Variants in ECH1 observed in about 807,000 individuals in gnomAD.
ECH1 encodes delta(3,5)-Delta(2,4)-dienoyl-CoA isomerase, mitochondrial.
In ECH1, 30 loss-of-function variants were observed where a neutral mutation model predicts 37.0. The ratio of observed to expected loss-of-function variants is 0.81; its 90% confidence interval spans 0.61 to 1.10. ECH1 has a LOEUF of 1.10. ECH1 is among the 50% of genes least tolerant of loss of function. ECH1 has a pLI of 0.00. For synonymous variants in ECH1, 178 were observed against 176.0 expected (o/e 1.01, Z -0.09); for missense variants, 456 against 441.6 (o/e 1.03, Z -0.29).
intron 3 of ECH1, chr19:38,820,587 G>A (rs892387414): frequency 6.6e-6 from 1 of 152,134 alleles, no homozygotes; most frequent in Non-Finnish European, 1.5e-5. Flanking sequence ...TATGTTTAAC[G>A]TGCTTAGAAA....
intron 9 of ECH1, 36 bp downstream of exon 9, chr19:38,815,821 G>A: frequency 6.2e-7 from 1 of 1,613,692 alleles, no homozygotes. Context: ...CCTGGGGTTA[G>A]AGGAGGGCTG....
intron 6 of ECH1, 96 bp from the exon 7 acceptor site, chr19:38,816,619 C>A: frequency 7.1e-7 from 1 of 1,404,208 alleles, no homozygotes. Flanking sequence ...TGGAGAGTCC[C>A]GCCCCACCTT....
intron 3 of ECH1, among the ~76,000 whole-genome samples, chr19:38,825,838 A>G (rs1261986098): frequency 6.6e-6 from 1 of 152,224 alleles, no homozygotes; most frequent in Non-Finnish European, 1.5e-5. Context: ...GCACTGCCCC[A>G]GCGGACGAAG....
At chr19:38,825,225 T>C (rs963671368) in intron 3 of ECH1, among the ~76,000 whole-genome samples, 22 of 152,136 alleles carry the variant, frequency 1.4e-4, no homozygotes, top group Non-Finnish European at 2.8e-4. Flanking sequence ...CAGCAAGCCA[T>C]CCCCAGTATG....
rs1971597858 is a variant in ECH1, at chr19:38,817,514, C to T, written c.411G>A (p.Arg137=). 2 of 1,613,976 alleles carry T rather than the reference C, an allele frequency of 1.2e-6. No individual in the cohort carries two copies. Among genetic ancestry groups the T allele is most frequent in the Middle Eastern group, 1.7e-4 (1 of 6,060 alleles). ...TGATGTCACGGAGGTACCAGCTGAT[C>T]CGGGCCACATCATCTCCTTTGGGCT... The part of the protein sequence containing the change: ...ILQPKGDDVA[R]ISWYLRDIIT... The change falls in exon 4 of 10, where the codon CGG becomes CGA. Residue 137 remains arginine (R), a synonymous_variant. Transcript: ENST00000221418.
At position 38,815,461 on chromosome 19, in the gene ECH1, GC is replaced by G; in HGVS notation, c.*151del. The G allele has an allele frequency of 1.4e-6, 1 of 698,360 alleles. No individual in the cohort carries two copies. The highest frequency in any genetic ancestry group is 2.4e-6 in the Non-Finnish European group (1 of 412,250). The allele number at this position is 698,360 out of a possible 1,614,324, so 43.3% of individuals were successfully genotyped here. The stretch of plus-strand genomic sequence containing the variant: ...TTATTGTTTGTGGGGTGAAGATAAG[GC>G]CTTGGGCTTGAGAAACTCATTGTCA... On this transcript the variant is annotated 3_prime_UTR_variant, in exon 10 of 10. Coordinates refer to ENST00000221418, the MANE Select transcript of ECH1 (RefSeq NM_001398.3).
At chr19:38,823,967 C>G (rs1217096936) in intron 3 of ECH1, among the ~76,000 whole-genome samples, 1 of 152,138 alleles carries the variant, frequency 6.6e-6, no homozygotes, top group Admixed American at 6.5e-5. Flanking sequence ...TTGCCCAAAG[C>G]CCTGTCATAG....
At chr19:38,822,824 T>C (rs889100166) in intron 3 of ECH1, among the ~76,000 whole-genome samples, 1 of 152,226 alleles carries the variant, frequency 6.6e-6, no homozygotes, top group Admixed American at 6.5e-5. Flanking sequence ...AAAAGCAGGC[T>C]GTCCGAGCCA....
intron 3 of ECH1, among the ~76,000 whole-genome samples, chr19:38,821,267 C>T (rs894967048): frequency 2.6e-5 from 4 of 152,090 alleles, no homozygotes; most frequent in Non-Finnish European, 5.9e-5. Context: ...GAGATTGCTC[C>T]ACTGCATTCC....
chr19:38,816,518 C>CA lies in ECH1; in HGVS notation c.593dup (p.Asp199GlyfsTer37), dbSNP rs1265903578. On this transcript the variant is annotated frameshift_variant, in exon 7 of 10. Coordinates refer to ENST00000221418, the MANE Select transcript of ECH1 (RefSeq NM_001398.3). LOFTEE classifies it high-confidence loss of function. ...CTACATCGGCAGCCAAACCCACGTC[C>CA]ACCTCCTGGGGGAGGAATCGGGTCA... is the stretch of plus-strand genomic sequence containing the variant. 6.2e-7 allele frequency: 1 copy of CA among 1,614,054 alleles called. No homozygotes were observed. Among genetic ancestry groups the CA allele is most frequent in the Admixed American group, 1.7e-5 (1 of 59,998 alleles).
intron 6 of ECH1, 53 bp from the exon 7 acceptor site, chr19:38,816,576 G>T (rs1568356150): frequency 1.3e-6 from 2 of 1,594,410 alleles, no homozygotes; most frequent in African/African-American, 1.3e-5. Context: ...TGTGCCCCTC[G>T]CAATGTCAAC....
intron 3 of ECH1, among the ~76,000 whole-genome samples, chr19:38,818,702 A>G (rs1343504204): frequency 5.3e-5 from 8 of 151,976 alleles, no homozygotes; most frequent in Non-Finnish European, 5.9e-5. Context: ...TGGCCAGGCT[A>G]GTCTCAAACT....
chr19:38,816,650 A>G (rs1489932539), intron 6 of ECH1, 127 bp from the exon 7 acceptor site: 2 of 1,172,146 alleles, frequency 1.7e-6, no homozygotes, highest in African/African-American at 3.0e-5. Context: ...ACTTCCTCCA[A>G]AGTCCCATTC....
rs746522011 is a variant in ECH1 at position 38,815,969 on chromosome 19, G to A, written c.770C>T (p.Ala257Val). 1.2e-6 allele frequency: 2 copies of A among 1,613,864 alleles called. No homozygotes were observed. The highest frequency in any genetic ancestry group is 3.3e-5 in the Admixed American group (2 of 59,998). ...FPDKEVMLDAALALAAEISSK... is the reference protein window; with the variant it reads ...FPDKEVMLDAVLALAAEISSK... ...GGAAATCTCGGCCGCCAGCGCTAAG[G>A]CAGCATCCAGCATGACCTCTTTGTC... Residue 257 changes from alanine (A) to valine (V), a missense_variant, in exon 9 of 10, where the codon GCC becomes GTC. Transcript: ENST00000221418.
At chr19:38,827,445 G>C (rs965715870) in intron 3 of ECH1, among the ~76,000 whole-genome samples, 1 of 152,160 alleles carries the variant, frequency 6.6e-6, no homozygotes, top group Admixed American at 6.5e-5. Context: ...CCACTTAGGA[G>C]AGTGGCAGAA....
At chr19:38,824,890 G>C (rs1373557992) in intron 3 of ECH1, among the ~76,000 whole-genome samples, 1 of 152,140 alleles carries the variant, frequency 6.6e-6, no homozygotes, top group Non-Finnish European at 1.5e-5. Context: ...CTGGCTATTG[G>C]TTATGTCCCC....
chr19:38,831,511 T>C lies in ECH1; in HGVS notation c.58A>G (p.Thr20Ala). ...RLRDLLTRRL[T>A]GSNYPGLSIS... ...CTGAGTCCCGGGTAGTTGGAGCCTGTCAGTCCTGGGGAGAAAGGAACAGCC... is the reference window on the plus strand; with the variant it reads ...CTGAGTCCCGGGTAGTTGGAGCCTGCCAGTCCTGGGGAGAAAGGAACAGCC... The change falls in exon 2 of 10, where the codon ACA (threonine) becomes GCA (alanine). Residue 20 changes from threonine (T) to alanine (A), a missense_variant. Coordinates refer to ENST00000221418, the MANE Select transcript of ECH1 (RefSeq NM_001398.3). The C allele has an allele frequency of 6.2e-7, 1 of 1,613,596 alleles. No individual in the cohort carries two copies. Among genetic ancestry groups the C allele is most frequent in the Non-Finnish European group, 8.5e-7 (1 of 1,179,714 alleles).
At chr19:38,831,677 G>A in intron 1 of ECH1, 44 bp downstream of exon 1, 1 of 1,611,252 alleles carries the variant, frequency 6.2e-7, no homozygotes, top group Non-Finnish European at 8.5e-7. Flanking sequence ...TGCTATAACA[G>A]CACGACAGCG....
intron 3 of ECH1, among the ~76,000 whole-genome samples, chr19:38,825,762 T>C (rs559554500): frequency 5.5e-4 from 84 of 152,300 alleles, no homozygotes; most frequent in African/African-American, 1.9e-3. Context: ...TTAAAAAAGA[T>C]TGTCCAATGA....
Sources: allele counts gnomAD v4.1 joint callset (sites outside exome capture counted in the v4.1 genomes callset), GRCh38; gene constraint gnomAD v4.1.1; transcripts MANE v1.5; gene names NCBI Gene and HGNC (gene_info 2026-07-23, HGNC 2026-07-21).